Variants in SHROOM3 observed in about 807,000 individuals in gnomAD.
SHROOM3 encodes protein Shroom3.
Under a neutral mutation model 138.6 loss-of-function variants are expected in SHROOM3, and 47 were observed. The observed-to-expected ratio is 0.34, with a 90% CI of 0.27 to 0.43. The LOEUF is 0.43. Among genes scored for constraint, SHROOM3 ranks in the 20% least tolerant of loss-of-function variants. The pLI is 1.00. For synonymous variants in SHROOM3, 1,062 were observed against 1,063.3 expected, an observed-to-expected ratio of 1.00 and a Z score of 0.02; for missense variants, 2,491 against 2,596.5, an observed-to-expected ratio of 0.96 and a Z score of 0.88.
chr4:76,697,301 G>A (rs1719769262), intron 2 of SHROOM3, among the ~76,000 whole-genome samples: 1 of 152,008 alleles, frequency 6.6e-6, no homozygotes, highest in Non-Finnish European at 1.5e-5. Context: ...TTTAGAGTCT[G>A]GTGGGCCCCA....
chr4:76,515,977 G>A (rs576296890), intron 1 of SHROOM3, among the ~76,000 whole-genome samples: 11 of 152,286 alleles, frequency 7.2e-5, no homozygotes, highest in Admixed American at 7.2e-4. Context: ...CCTGGCATGG[G>A]AAATGATTAC....
chr4:76,757,617 G>T (rs1036978713), intron 8 of SHROOM3, among the ~76,000 whole-genome samples: 2 of 152,208 alleles, frequency 1.3e-5, no homozygotes, highest in African/African-American at 2.4e-5. Flanking sequence ...TAAGGTGGGT[G>T]TTGGCGCAAA....
intron 2 of SHROOM3, among the ~76,000 whole-genome samples, chr4:76,576,040 A>T (rs960403967): frequency 6.6e-6 from 1 of 152,188 alleles, no homozygotes; most frequent in African/African-American, 2.4e-5. Flanking sequence ...ACCCTCGTAC[A>T]GTGTTGGTAG....
intron 2 of SHROOM3, among the ~76,000 whole-genome samples, chr4:76,569,047 A>C (rs1733783916): frequency 6.6e-6 from 1 of 152,202 alleles, no homozygotes; most frequent in African/African-American, 2.4e-5. Flanking sequence ...TCATAAGTTC[A>C]ACCATAGTTA....
chr4:76,666,353 C>G (rs1433043360), intron 2 of SHROOM3, among the ~76,000 whole-genome samples: 2 of 152,220 alleles, frequency 1.3e-5, no homozygotes, highest in Non-Finnish European at 2.9e-5. Context: ...ACTGCAGCCT[C>G]TACCTCCAGG....
Position 76,586,196 on chromosome 4 carries a change from A to C in SHROOM3, c.323+30433A>C, listed in dbSNP as rs186760312. 414 of 955,434 alleles carry C rather than the reference A, an allele frequency of 4.3e-4. 2 individuals carry two copies. The African/African-American group carries it at 7.0e-3, about 16-fold the overall frequency. 59.2% of individuals were successfully genotyped at this position (955,434 alleles called of 1,614,324 possible). ...GGCCGGCGATTGGCCGGGAGGAGGC[A>C]GTCATTCAAACTGCCTTTTGTGTTT... On this transcript the variant is annotated intron_variant, in intron 2 of 10. Transcript: ENST00000296043.
intron 1 of SHROOM3, among the ~76,000 whole-genome samples, chr4:76,539,006 T>C (rs1733041669): frequency 1.3e-5 from 2 of 152,226 alleles, no homozygotes; most frequent in Admixed American, 1.3e-4. Context: ...GGGAGCTGCC[T>C]GTTTTAGAAT....
intron 2 of SHROOM3, among the ~76,000 whole-genome samples, chr4:76,693,248 T>G (rs978713318): frequency 6.6e-6 from 1 of 152,164 alleles, no homozygotes; most frequent in Non-Finnish European, 1.5e-5. Context: ...TATGTGATTT[T>G]GGAGTTGATG....
intron 2 of SHROOM3, among the ~76,000 whole-genome samples, chr4:76,640,274 G>C (rs565577390): frequency 6.6e-6 from 1 of 152,126 alleles, no homozygotes; most frequent in African/African-American, 2.4e-5. Flanking sequence ...CATAAAGATC[G>C]CTTTCTCATT....
At chr4:76,694,996 G>C (rs544520222) in intron 2 of SHROOM3, among the ~76,000 whole-genome samples, 3 of 152,206 alleles carry the variant, frequency 2.0e-5, no homozygotes, top group Non-Finnish European at 4.4e-5. Context: ...GTCTGTAATA[G>C]ATGTCAACTA....
chr4:76,498,205 T>C (rs1331855491), intron 1 of SHROOM3, among the ~76,000 whole-genome samples: 4 of 152,210 alleles, frequency 2.6e-5, no homozygotes, highest in Non-Finnish European at 4.4e-5. Context: ...GTTTATAGAT[T>C]AAGAGTTTGC....
At chr4:76,674,769 G>A (rs1455978515) in intron 2 of SHROOM3, among the ~76,000 whole-genome samples, 1 of 151,934 alleles carries the variant, frequency 6.6e-6, no homozygotes, top group Non-Finnish European at 1.5e-5. Context: ...TGCCCAGGCT[G>A]GTCTTGAACT....
intron 2 of SHROOM3, among the ~76,000 whole-genome samples, chr4:76,679,537 T>C (rs1719131132): frequency 6.6e-6 from 1 of 152,120 alleles, no homozygotes; most frequent in Non-Finnish European, 1.5e-5. Context: ...TCTTCATCTA[T>C]GTCGTTAAAA....
chr4:76,496,181 G>T (rs191746177), intron 1 of SHROOM3, among the ~76,000 whole-genome samples: 1 of 152,350 alleles, frequency 6.6e-6, no homozygotes, highest in African/African-American at 2.4e-5. Context: ...GCACAGGTGT[G>T]TGAGTGAATT....
In SHROOM3 at chr4:76,741,729, G is replaced by A. The variant is rs1483583729; in HGVS notation, c.3556G>A (p.Gly1186Arg). ...GGRRLGERRR[G>R]DLLSGANGGT... is the part of the protein sequence containing the mutation. ...CCGCCGCCTCGGGGAACGGCGACGC[G>A]GGGACCTGCTTAGCGGAGCAAACGG... Residue 1186 changes from glycine (G) to arginine (R), a missense_variant, in exon 5 of 11, where the codon GGG becomes AGG. Physicochemically the swap from Gly to Arg is moderately radical, Grantham distance 125. Transcript: ENST00000296043. The surrounding 1 kb of genome is among the most constrained non-coding windows in gnomAD (Gnocchi z 6.2). 29 of 1,557,956 alleles carry A rather than the reference G, an allele frequency of 1.9e-5. No homozygotes were observed. Among genetic ancestry groups the A allele is most frequent in the African/African-American group, 2.7e-5 (2 of 73,652 alleles).
At position 76,640,254 on chromosome 4, in the gene SHROOM3, C is replaced by A. The variant is rs191117923; in HGVS notation, c.324-69902C>A. Among the ~76,000 whole-genome samples the A allele has an allele frequency of 5.6e-4, 86 of 152,336 alleles. 1 individual carries two copies. The highest frequency in any genetic ancestry group is 2.5e-3 in the Admixed American group (38 of 15,306). On this transcript the variant is annotated intron_variant, in intron 2 of 10. Coordinates refer to ENST00000296043, the MANE Select transcript of SHROOM3 (RefSeq NM_020859.4). ...TAGCTGTAATCTGCAAAGATTTCTG[C>A]ATCTTTAAGCATAAAGATCGCTTTC...
chr4:76,550,462 G>A (rs1476172287), intron 1 of SHROOM3, among the ~76,000 whole-genome samples: 1 of 152,256 alleles, frequency 6.6e-6, no homozygotes, highest in South Asian at 2.1e-4. Flanking sequence ...TGCCTGGGTT[G>A]ATAAGGAGAC....
intron 2 of SHROOM3, among the ~76,000 whole-genome samples, chr4:76,626,828 A>G (rs559086483): frequency 1.8e-4 from 27 of 152,322 alleles, no homozygotes; most frequent in African/African-American, 6.3e-4. Context: ...CTCTTCCTCA[A>G]TTAAAGCACT....
At chr4:76,672,575 C>CA (rs1718916627) in intron 2 of SHROOM3, among the ~76,000 whole-genome samples, 1 of 133,458 alleles carries the variant, frequency 7.5e-6, no homozygotes, top group South Asian at 2.4e-4. Flanking sequence ...AGGATACATG[C>CA]ATTTTTTTTG....
Sources: allele counts gnomAD v4.1 joint callset (sites outside exome capture counted in the v4.1 genomes callset), GRCh38; gene constraint gnomAD v4.1.1; non-coding constraint Gnocchi (gnomAD v3.1); transcripts MANE v1.5; gene names NCBI Gene and HGNC (gene_info 2026-07-23, HGNC 2026-07-21).